The following UBTD1 variants were observed in gnomAD, a reference collection of about 807,000 sequenced individuals.
UBTD1 encodes ubiquitin domain-containing protein 1.
In UBTD1, 19 loss-of-function variants were observed where a neutral mutation model predicts 21.7. That is an observed-to-expected ratio of 0.87 (90% CI 0.61 to 1.28). The LOEUF is 1.28. Among genes scored for constraint, UBTD1 ranks in the 50% most tolerant of loss-of-function variants. The probability of loss-of-function intolerance (pLI) is 0.00; values close to 1 mark genes in which losing one functional copy is unlikely to be tolerated. For synonymous variants in UBTD1, 116 were observed against 135.1 expected (o/e 0.86, Z 0.98); for missense variants, 282 against 315.1 (o/e 0.89, Z 0.80).
chr10:97,554,166 G>A (rs1421186702), intron 1 of UBTD1, among the ~76,000 whole-genome samples: 1 of 152,014 alleles, frequency 6.6e-6, no homozygotes, highest in Non-Finnish European at 1.5e-5. Context: ...CAGCTCAGGT[G>A]TCCTTGTAGT....
intron 1 of UBTD1, among the ~76,000 whole-genome samples, chr10:97,522,804 G>C (rs561971171): frequency 4.0e-4 from 61 of 152,306 alleles, no homozygotes; most frequent in African/African-American, 1.4e-3. Flanking sequence ...ATAAGACAAA[G>C]CAGCTTGGAA....
intron 1 of UBTD1, among the ~76,000 whole-genome samples, chr10:97,567,679 CA>C (rs1281241391): frequency 6.6e-6 from 1 of 151,880 alleles, no homozygotes; most frequent in Non-Finnish European, 1.5e-5. Context: ...AAACAAAAAA[CA>C]AAAACAATGG....
chr10:97,512,366 C>CT (rs1177914837), intron 1 of UBTD1, among the ~76,000 whole-genome samples: 10 of 152,212 alleles, frequency 6.6e-5, no homozygotes, highest in Non-Finnish European at 1.5e-5. Context: ...CCCCTATACT[C>CT]TCATATCAGA....
At chr10:97,530,025 C>T (rs1397366969) in intron 1 of UBTD1, among the ~76,000 whole-genome samples, 2 of 152,162 alleles carry the variant, frequency 1.3e-5, no homozygotes, top group South Asian at 2.1e-4. Flanking sequence ...ACCACATTCA[C>T]GTGTCCCCCT....
chr10:97,514,415 A>G (rs1466359124), intron 1 of UBTD1, among the ~76,000 whole-genome samples: 3 of 152,098 alleles, frequency 2.0e-5, no homozygotes, highest in Non-Finnish European at 4.4e-5. Flanking sequence ...CCAGTTTCTT[A>G]AGCATTTCTC....
At chr10:97,568,413 C>A (rs1158958872) in intron 2 of UBTD1, among the ~76,000 whole-genome samples, 1 of 152,052 alleles carries the variant, frequency 6.6e-6, no homozygotes, top group East Asian at 1.9e-4. Context: ...AGGCACTGAC[C>A]TTTTTATTTT....
At chr10:97,568,172 G>C (rs201207098) in intron 2 of UBTD1, 31 bp downstream of exon 2, 1 of 1,609,258 alleles carries the variant, frequency 6.2e-7, no homozygotes, top group South Asian at 1.1e-5. Context: ...CTTTATCCCC[G>C]CTGGAGCTAG....
chr10:97,545,514 T>C (rs996751798), intron 1 of UBTD1, among the ~76,000 whole-genome samples: 64 of 152,090 alleles, frequency 4.2e-4, no homozygotes, highest in African/African-American at 1.5e-3. Context: ...TGATTTGTTC[T>C]GTGTAATAAT....
chr10:97,570,609 C>G lies in UBTD1; in HGVS notation c.*86C>G. 1 of 1,475,708 alleles carries G rather than the reference C, an allele frequency of 6.8e-7. No individual in the cohort carries two copies. Among genetic ancestry groups the G allele is most frequent in the Non-Finnish European group, 9.2e-7 (1 of 1,092,432 alleles). The allele number at this position is 1,475,708 out of a possible 1,614,324, so 91.4% of individuals were successfully genotyped here. A position where few individuals can be genotyped will look rare whatever the true frequency, so the allele number is the denominator to read the frequency against. On this transcript the variant is annotated 3_prime_UTR_variant, in exon 3 of 3. Transcript: ENST00000370664. The surrounding 1 kb of genome is among the most constrained non-coding windows in gnomAD (Gnocchi z 6.6). Reference sequence around the variant, plus strand: ...TGCCTTCCAGTGCTGTCATTTTCTTCAGGGGCCCTCCCCTCGGTGTGGCTG... The same window carrying G: ...TGCCTTCCAGTGCTGTCATTTTCTTGAGGGGCCCTCCCCTCGGTGTGGCTG...
At chr10:97,536,258 C>G (rs1589876077) in intron 1 of UBTD1, among the ~76,000 whole-genome samples, 1 of 152,132 alleles carries the variant, frequency 6.6e-6, no homozygotes, top group East Asian at 1.9e-4. Flanking sequence ...TCCCAAAGTG[C>G]TGGGATTACA....
At chr10:97,529,998 TCCGC>T (rs2040520571) in intron 1 of UBTD1, among the ~76,000 whole-genome samples, 1 of 152,144 alleles carries the variant, frequency 6.6e-6, no homozygotes, top group South Asian at 2.1e-4. Flanking sequence ...TTTAAGACCT[TCCGC>T]AGAGGGGGTG....
At chr10:97,507,512 T>C (rs941630781) in intron 1 of UBTD1, among the ~76,000 whole-genome samples, 2 of 151,456 alleles carry the variant, frequency 1.3e-5, no homozygotes, top group Admixed American at 6.6e-5. Context: ...CGGTGGCTCA[T>C]GCCTGTAATC....
intron 1 of UBTD1, among the ~76,000 whole-genome samples, chr10:97,530,723 A>G (rs1158637298): frequency 6.6e-6 from 1 of 152,132 alleles, no homozygotes; most frequent in Admixed American, 6.5e-5. Flanking sequence ...AAGCTTGTAC[A>G]TGCCATATGA....
At chr10:97,529,268 T>C (rs2040513636) in intron 1 of UBTD1, among the ~76,000 whole-genome samples, 1 of 149,952 alleles carries the variant, frequency 6.7e-6, no homozygotes, top group Non-Finnish European at 1.5e-5. Context: ...GAGACGCTCC[T>C]CACTTTCCAG....
At position 97,565,684 on chromosome 10, in the gene UBTD1, A is replaced by G. The variant is rs143322233; in HGVS notation, c.71-2230A>G. ...AAAAAGACATCCGAATCTCAATTAT[A>G]TTGTATTTTTCTTTATTTTTATTTT... On this transcript the variant is annotated intron_variant, in intron 1 of 2. Transcript: ENST00000370664. Among the ~76,000 whole-genome samples, 38 of 151,932 alleles carry G rather than the reference A, an allele frequency of 2.5e-4. No individual in the cohort carries two copies. The East Asian group carries it at 6.4e-3, about 26-fold the overall frequency.
intron 1 of UBTD1, among the ~76,000 whole-genome samples, chr10:97,519,134 C>G (rs571253738): frequency 6.6e-6 from 1 of 152,358 alleles, no homozygotes; most frequent in South Asian, 2.1e-4. Context: ...TTCGTTTTCT[C>G]TAGTTGCCTG....
In UBTD1 at chr10:97,525,089, C is replaced by T. The variant is rs140863684; in HGVS notation, c.70+25816C>T. ...GAGAAGAATATGCCTCCCTGCTAGT[C>T]ATGTGCCCACACTCTTTGGCAACTT... On this transcript the variant is annotated intron_variant, in intron 1 of 2. Coordinates refer to ENST00000370664, the MANE Select transcript of UBTD1 (RefSeq NM_024954.5). 2.6e-3 allele frequency among the ~76,000 whole-genome samples: 392 copies of T among 152,342 alleles called. 4 individuals are homozygous for T. The highest frequency in any genetic ancestry group is 9.1e-3 in the African/African-American group (380 of 41,586).
chr10:97,521,194 T>A (rs1247387319), intron 1 of UBTD1, among the ~76,000 whole-genome samples: 1 of 152,218 alleles, frequency 6.6e-6, no homozygotes, highest in Non-Finnish European at 1.5e-5. Flanking sequence ...GGGACCCGCC[T>A]TTCATTCCAC....
In UBTD1 at chr10:97,516,787, C is replaced by A. The variant is rs374816795; in HGVS notation, c.70+17514C>A. Among the ~76,000 whole-genome samples the A allele has an allele frequency of 2.8e-4, 42 of 151,896 alleles. No homozygotes were observed. The East Asian group carries it at 5.4e-3, about 20-fold the overall frequency. On this transcript the variant is annotated intron_variant, in intron 1 of 2. Transcript: ENST00000370664. ...CTCTGTCTCAAAAAAAAAAAAGAAA[C>A]CCATCTCCTCGCATCTCCTACAGTC...
Sources: gnomAD v4.1 joint callset for allele counts (sites outside exome capture counted in the v4.1 genomes callset) on GRCh38, gnomAD v4.1.1 for gene constraint, Gnocchi (gnomAD v3.1) non-coding constraint, MANE v1.5 for transcripts, NCBI Gene and HGNC (gene_info 2026-07-23, HGNC 2026-07-21) for gene names.